Variants in URM1 observed in about 807,000 individuals in gnomAD.
The protein encoded by URM1 is ubiquitin related modifier 1.
Under a neutral mutation model 17.7 loss-of-function variants are expected in URM1, and 11 were observed. The ratio of observed to expected loss-of-function variants is 0.62; its 90% CI spans 0.39 to 1.03. URM1 has a LOEUF of 1.03. Among genes scored for constraint, URM1 ranks in the 50% least tolerant of loss-of-function variants. URM1 has a pLI of 0.00. For missense variants in URM1, 128 were observed against 129.2 expected, an observed-to-expected ratio of 0.99 and a Z score of 0.04; for synonymous variants, 48 against 50.6, an observed-to-expected ratio of 0.95 and a Z score of 0.22.
intron 1 of URM1, among the ~76,000 whole-genome samples, chr9:128,377,490 T>C (rs1384327054): frequency 6.6e-6 from 1 of 152,112 alleles, no homozygotes; most frequent in African/African-American, 2.4e-5. Context: ...CTGGCCAACA[T>C]GGTGAAACCC....
At chr9:128,375,708 C>G (rs925395275) in intron 1 of URM1, among the ~76,000 whole-genome samples, 1 of 152,030 alleles carries the variant, frequency 6.6e-6, no homozygotes, top group Non-Finnish European at 1.5e-5. Flanking sequence ...TACAGGCGCA[C>G]ACCACCATGC....
intron 1 of URM1, among the ~76,000 whole-genome samples, chr9:128,372,659 T>C (rs1182666913): frequency 6.6e-6 from 1 of 152,136 alleles, no homozygotes; most frequent in African/African-American, 2.4e-5. Context: ...CTCCTCACTG[T>C]TTTGCCTCAC....
At chr9:128,382,577 G>A (rs1032454146) in intron 2 of URM1, among the ~76,000 whole-genome samples, 2 of 152,184 alleles carry the variant, frequency 1.3e-5, no homozygotes, top group African/African-American at 4.8e-5. Flanking sequence ...GAGAAATGAT[G>A]AGCAAGGCCT....
rs986710956 is a variant in URM1, at chr9:128,390,898, A to G, written c.*1164A>G. On this transcript the variant is annotated 3_prime_UTR_variant, in exon 5 of 5. Coordinates refer to ENST00000372853, the MANE Select transcript of URM1 (RefSeq NM_030914.4). Reference sequence around the variant, plus strand: ...CAGACAATCTGAGAGGGGGTAGTCTAATAGAGCCATCTGGAGAAGGGAGTG... The same window carrying G: ...CAGACAATCTGAGAGGGGGTAGTCTGATAGAGCCATCTGGAGAAGGGAGTG... 2.6e-5 allele frequency: 4 copies of G among 152,622 alleles called. No homozygotes were observed. The highest frequency in any genetic ancestry group is 9.7e-5 in the African/African-American group (4 of 41,450). The allele number at this position is 152,622 out of a possible 1,614,324, so 9.5% of individuals were successfully genotyped here. A position where few individuals can be genotyped will look rare whatever the true frequency, so the allele number is the denominator to read the frequency against.
rs1029512432 is a variant in URM1 at position 128,378,076 on chromosome 9, C to T, written c.76C>T (p.Arg26Ter). The T allele has an allele frequency of 2.0e-5, 32 of 1,610,664 alleles. No homozygotes were observed. The highest frequency in any genetic ancestry group is 2.5e-5 in the Non-Finnish European group (29 of 1,178,616). The change falls in exon 2 of 5, where the codon CGA becomes TGA. Residue 26 changes from arginine to a stop codon, truncating the protein, a stop_gained. Coordinates refer to ENST00000372853, the MANE Select transcript of URM1 (RefSeq NM_030914.4). LOFTEE classifies it high-confidence loss of function. The stretch of plus-strand genomic sequence containing the variant: ...CCTGTTTGACGGTATTAAGAAACAT[C>T]GAGTCACTTTGCCTGGACAGGAGGA... The part of the protein sequence containing the change: ...ELLFDGIKKH[R>*]VTLPGQEEPW...
At chr9:128,384,004 A>C (rs1833194859) in intron 2 of URM1, among the ~76,000 whole-genome samples, 1 of 152,162 alleles carries the variant, frequency 6.6e-6, no homozygotes, top group South Asian at 2.1e-4. Context: ...CCATCTGTTG[A>C]GCGTGTCCTG....
intron 1 of URM1, among the ~76,000 whole-genome samples, chr9:128,375,811 C>T (rs1224174428): frequency 6.6e-6 from 1 of 152,164 alleles, no homozygotes; most frequent in East Asian, 1.9e-4. Flanking sequence ...CCTCCCTCGC[C>T]TCTCAGCCTC....
At chr9:128,386,122 T>C (rs1424505798) in intron 2 of URM1, among the ~76,000 whole-genome samples, 1 of 152,184 alleles carries the variant, frequency 6.6e-6, no homozygotes, top group African/African-American at 2.4e-5. Flanking sequence ...CCTGGTTCCA[T>C]GCAGGCCAGG....
intron 2 of URM1, among the ~76,000 whole-genome samples, chr9:128,385,712 G>C (rs1343009339): frequency 6.6e-6 from 1 of 152,146 alleles, no homozygotes; most frequent in African/African-American, 2.4e-5. Context: ...GATGTCCCTG[G>C]GGGTGTGTTT....
intron 1 of URM1, among the ~76,000 whole-genome samples, chr9:128,374,466 C>A (rs1471054926): frequency 1.3e-5 from 2 of 148,368 alleles, no homozygotes; most frequent in East Asian, 2.0e-4. Flanking sequence ...CATGTGCCAA[C>A]CCCCCACCCA....
intron 2 of URM1, among the ~76,000 whole-genome samples, chr9:128,382,984 TC>T (rs1278930277): frequency 2.6e-5 from 4 of 152,092 alleles, no homozygotes; most frequent in Non-Finnish European, 5.9e-5. Context: ...CTGCCTGTCT[TC>T]CCCTGTCCTG....
At chr9:128,386,702 C>T (rs1833231969) in intron 2 of URM1, among the ~76,000 whole-genome samples, 1 of 152,238 alleles carries the variant, frequency 6.6e-6, no homozygotes, top group African/African-American at 2.4e-5. Context: ...CCACCTTTCC[C>T]TTGCGTACAC....
In URM1 at chr9:128,391,844, A is replaced by G. The variant is rs1455661447; in HGVS notation, c.*2110A>G. ...GCAAGCACTGTGGTTGAAATTGGCC[A>G]TGTCCAAGGCACACCAGACGATTTC... On this transcript the variant is annotated 3_prime_UTR_variant, in exon 5 of 5. Transcript: ENST00000372853. 1.3e-5 allele frequency: 2 copies of G among 152,240 alleles called. No homozygotes were observed. The highest frequency in any genetic ancestry group is 2.9e-5 in the Non-Finnish European group (2 of 68,062). The allele number at this position is 152,240 out of a possible 1,614,324, so 9.4% of individuals were successfully genotyped here.
chr9:128,373,344 T>C (rs1196255688), intron 1 of URM1, among the ~76,000 whole-genome samples: 2 of 152,180 alleles, frequency 1.3e-5, no homozygotes, highest in East Asian at 3.8e-4. Flanking sequence ...TCATTTCCTA[T>C]GTATCTTAGC....
chr9:128,389,447 G>A (rs1833275509), intron 4 of URM1, 138 bp downstream of exon 4: 1 of 1,578,806 alleles, frequency 6.3e-7, no homozygotes, highest in Non-Finnish European at 8.6e-7. Context: ...TGAGGCTGCT[G>A]GAGTCTCCCA....
At chr9:128,380,601 G>T (rs957993667) in intron 2 of URM1, among the ~76,000 whole-genome samples, 1 of 151,158 alleles carries the variant, frequency 6.6e-6, no homozygotes, top group African/African-American at 2.4e-5. Flanking sequence ...GAGTTTGTCT[G>T]ACATGAAAAC....
chr9:128,386,905 C>CT (rs1192084778), intron 2 of URM1, among the ~76,000 whole-genome samples: 1 of 152,218 alleles, frequency 6.6e-6, no homozygotes, highest in Non-Finnish European at 1.5e-5. Context: ...CTCAAGTCGT[C>CT]TAAGAGAATG....
chr9:128,385,733 C>T (rs896681342), intron 2 of URM1, among the ~76,000 whole-genome samples: 7 of 152,050 alleles, frequency 4.6e-5, no homozygotes, highest in East Asian at 1.9e-4. Context: ...CAGGCCAGGC[C>T]GAGTGGCCCT....
At position 128,371,433 on chromosome 9, in the gene URM1, G is replaced by T; in HGVS notation, c.35+18G>T. 4 of 1,611,102 alleles carry T rather than the reference G, an allele frequency of 2.5e-6. No individual in the cohort carries two copies. The highest frequency in any genetic ancestry group is 3.4e-6 in the Non-Finnish European group (4 of 1,178,094). Reference sequence around the variant, plus strand: ...GAGTTCGGGTGAGTCACAGAGCTGGGGCGCCGTGGGGATGGATTGAAGTCG... The same window carrying T: ...GAGTTCGGGTGAGTCACAGAGCTGGTGCGCCGTGGGGATGGATTGAAGTCG... On this transcript the variant is annotated intron_variant, in intron 1 of 4. Transcript: ENST00000372853.
Sources: allele counts gnomAD v4.1 joint callset (sites outside exome capture counted in the v4.1 genomes callset), GRCh38; gene constraint gnomAD v4.1.1; transcripts MANE v1.5; gene names NCBI Gene and HGNC (gene_info 2026-07-23, HGNC 2026-07-21).